BICRAL: variants seen among roughly 807,000 people sequenced by gnomAD.
BICRAL encodes BRD4-interacting chromatin-remodeling complex-associated protein-like.
BICRAL carries 8 observed loss-of-function variants against 91.8 expected under a neutral mutation model. The ratio of observed to expected loss-of-function variants is 0.09; its 90% confidence interval spans 0.05 to 0.16. The LOEUF is 0.16. BICRAL is among the 10% of genes least tolerant of loss of function. The pLI, the probability that BICRAL is intolerant of heterozygous loss-of-function variation, is 1.00. For missense variants in BICRAL, 1,038 were observed against 1,310.9 expected (o/e 0.79, Z 3.21); for synonymous variants, 445 against 491.1 (o/e 0.91, Z 1.24).
intron 5 of BICRAL, among the ~76,000 whole-genome samples, chr6:42,824,998 C>T (rs568421527): frequency 5.9e-5 from 9 of 152,324 alleles, no homozygotes; most frequent in African/African-American, 1.7e-4. Context: ...CAGTGGCTTA[C>T]GCCTCTAATC....
At chr6:42,820,590 C>CA (rs1270326258) in intron 2 of BICRAL, among the ~76,000 whole-genome samples, 2 of 152,330 alleles carry the variant, frequency 1.3e-5, no homozygotes, top group East Asian at 3.9e-4. Context: ...CCTCCACAGT[C>CA]ATGTTACACT....
intron 1 of BICRAL, among the ~76,000 whole-genome samples, chr6:42,804,769 A>G (rs889110678): frequency 6.6e-6 from 1 of 152,220 alleles, no homozygotes; most frequent in African/African-American, 2.4e-5. Context: ...CCAAAAAACC[A>G]TACAATCTAA....
intron 1 of BICRAL, among the ~76,000 whole-genome samples, chr6:42,785,914 C>T (rs1340137747): frequency 6.6e-6 from 1 of 152,066 alleles, no homozygotes; most frequent in Non-Finnish European, 1.5e-5. Context: ...ATTAGCCGGG[C>T]TTGGTGGGCA....
chr6:42,830,323 T>A, intron 6 of BICRAL, 151 bp downstream of exon 6: 1 of 756,322 alleles, frequency 1.3e-6, no homozygotes, highest in Non-Finnish European at 2.1e-6. Flanking sequence ...CCCAACACTT[T>A]GGGAGGCCAA....
At chr6:42,858,267 G>A (rs1765446830) in intron 10 of BICRAL, among the ~76,000 whole-genome samples, 1 of 151,092 alleles carries the variant, frequency 6.6e-6, no homozygotes, top group South Asian at 2.1e-4. Flanking sequence ...TGTAATCCCA[G>A]CACTTTGGGA....
At chr6:42,747,131 C>T (rs1762290146) in intron 1 of BICRAL, 1 of 152,280 alleles carries the variant, frequency 6.6e-6, no homozygotes, top group Non-Finnish European at 1.5e-5. Context: ...GATTTGTCAC[C>T]GGAAGTGAAT....
At chr6:42,788,452 C>T (rs894623735) in intron 1 of BICRAL, among the ~76,000 whole-genome samples, 8 of 152,056 alleles carry the variant, frequency 5.3e-5, no homozygotes, top group Admixed American at 2.0e-4. Context: ...GAACTCCTGA[C>T]CTCAGGTGAT....
chr6:42,759,024 G>T (rs751083639), intron 1 of BICRAL, among the ~76,000 whole-genome samples: 1 of 152,192 alleles, frequency 6.6e-6, no homozygotes, highest in Non-Finnish European at 1.5e-5. Flanking sequence ...TTGATATCTC[G>T]TGGAGGCTTT....
At chr6:42,819,878 G>C (rs1250508298) in intron 2 of BICRAL, among the ~76,000 whole-genome samples, 1 of 152,132 alleles carries the variant, frequency 6.6e-6, no homozygotes, top group Non-Finnish European at 1.5e-5. Flanking sequence ...AGGCCTGTCT[G>C]GCAGTTCCTG....
At chr6:42,803,695 T>A (rs1763635680) in intron 1 of BICRAL, among the ~76,000 whole-genome samples, 1 of 152,214 alleles carries the variant, frequency 6.6e-6, no homozygotes, top group African/African-American at 2.4e-5. Context: ...ATGGAACTTG[T>A]AAGCCAGTGG....
chr6:42,781,014 G>A (rs11759583), upstream of BICRAL, among the ~76,000 whole-genome samples: 44,784 of 151,790 alleles, frequency 0.3, 7,094 homozygotes, highest in South Asian at 0.48. Context: ...TGGAATTACA[G>A]GCGTGAGCCA....
intron 1 of BICRAL, among the ~76,000 whole-genome samples, chr6:42,752,140 G>A (rs746900952): frequency 6.6e-6 from 1 of 152,212 alleles, no homozygotes; most frequent in Non-Finnish European, 1.5e-5. Flanking sequence ...AAAGGTGACA[G>A]TTGTGCAGGC....
intron 2 of BICRAL, among the ~76,000 whole-genome samples, chr6:42,814,867 C>CA (rs1763948054): frequency 6.6e-6 from 1 of 151,616 alleles, no homozygotes; most frequent in Non-Finnish European, 1.5e-5. Context: ...GGCCACATAC[C>CA]AAATTTCAGT....
chr6:42,747,796 TTTTATTTTG>T (rs1487819821), intron 1 of BICRAL, among the ~76,000 whole-genome samples: 2 of 147,784 alleles, frequency 1.4e-5, no homozygotes, highest in Non-Finnish European at 3.0e-5. Context: ...TGCTTTTTTG[TTTTATTTTG>T]TTTTTTTTTT....
chr6:42,753,996 T>C (rs1057085443), intron 1 of BICRAL, among the ~76,000 whole-genome samples: 2 of 144,740 alleles, frequency 1.4e-5, no homozygotes, highest in African/African-American at 5.1e-5. Flanking sequence ...CTTCCCAAAG[T>C]GCTGGGATTA....
At position 42,810,393 on chromosome 6, in the gene BICRAL, A is replaced by T. The variant is rs1384453458; in HGVS notation, c.-14A>T. The T allele has an allele frequency of 2.0e-5, 3 of 152,210 alleles. No individual in the cohort carries two copies. The highest frequency in any genetic ancestry group is 4.4e-5 in the Non-Finnish European group (3 of 68,028). The allele number at this position is 152,210 out of a possible 1,614,324, so 9.4% of individuals were successfully genotyped here. A position where few individuals can be genotyped will look rare whatever the true frequency, so the allele number is the denominator to read the frequency against. On this transcript the variant is annotated 5_prime_UTR_variant, in exon 2 of 13. Coordinates refer to ENST00000314073, the MANE Select transcript of BICRAL (RefSeq NM_001393499.1). Reference sequence around the variant, plus strand: ...TGCCAAAAATTGTAGCACTTCTCACATTGCAATGGTAATGAATTGTTGCAT... The same window carrying T: ...TGCCAAAAATTGTAGCACTTCTCACTTTGCAATGGTAATGAATTGTTGCAT...
chr6:42,866,143 T>G lies in BICRAL; in HGVS notation c.*697T>G, dbSNP rs930968108. On this transcript the variant is annotated 3_prime_UTR_variant, in exon 13 of 13. Coordinates refer to ENST00000314073, the MANE Select transcript of BICRAL (RefSeq NM_001393499.1). ...CTGATGCTTCCGGAGCAAAACCTCA[T>G]GCTTTTAGGCATATCTATGTTGAAT... 2.0e-5 allele frequency: 3 copies of G among 152,372 alleles called. No homozygotes were observed. The highest frequency in any genetic ancestry group is 7.2e-5 in the African/African-American group (3 of 41,448). 9.4% of individuals were successfully genotyped at this position (152,372 alleles called of 1,614,324 possible).
chr6:42,860,439 T>C, intron 11 of BICRAL, 83 bp downstream of exon 11: 1 of 773,932 alleles, frequency 1.3e-6, no homozygotes, highest in Non-Finnish European at 2.2e-6. Context: ...GTCAAGGAAT[T>C]ATAGAATATA....
intron 1 of BICRAL, among the ~76,000 whole-genome samples, chr6:42,782,916 A>G (rs1762964048): frequency 1.4e-5 from 2 of 145,160 alleles, no homozygotes; most frequent in South Asian, 2.3e-4. Flanking sequence ...CTCTCTCGGA[A>G]GCTCTAGGGT....
Sources: gnomAD v4.1 joint callset for allele counts (sites outside exome capture counted in the v4.1 genomes callset) on GRCh38, gnomAD v4.1.1 for gene constraint, MANE v1.5 for transcripts, NCBI Gene and HGNC (gene_info 2026-07-23, HGNC 2026-07-21) for gene names.